EDC4: variants seen among roughly 807,000 people sequenced by gnomAD.
EDC4 encodes the protein enhancer of mRNA decapping 4, also known as enhancer of mRNA-decapping protein 4.
In EDC4, 64 loss-of-function variants were observed where a neutral mutation model predicts 155.8. That is an observed-to-expected ratio of 0.41 (90% CI 0.34 to 0.51). The LOEUF (loss-of-function observed/expected upper bound fraction) is 0.51, where lower values mean the gene tolerates loss of function less well. Among genes scored for constraint, EDC4 ranks in the 20% least tolerant of loss-of-function variants. The pLI, the probability that EDC4 is intolerant of heterozygous loss-of-function variation, is 0.19. For synonymous variants in EDC4, 684 were observed against 716.8 expected, an observed-to-expected ratio of 0.95 and a Z score of 0.73; for missense variants, 1,303 against 1,812.5, an observed-to-expected ratio of 0.72 and a Z score of 5.10.
intron 1 of EDC4, among the ~76,000 whole-genome samples, chr16:67,874,898 A>G (rs565142681): frequency 1.3e-5 from 2 of 152,290 alleles, no homozygotes; most frequent in African/African-American, 4.8e-5. Flanking sequence ...CCTGGCCAAC[A>G]TGGTTTCTTA....
At position 67,879,014 on chromosome 16, in the gene EDC4, T is replaced by C. The variant is rs1179144443; in HGVS notation, c.1345T>C (p.Ser449Pro). The C allele has an allele frequency of 6.2e-7, 1 of 1,612,478 alleles. No homozygotes were observed. Among genetic ancestry groups the C allele is most frequent in the South Asian group, 1.1e-5 (1 of 91,086 alleles). Residue 449 changes from serine (S) to proline (P), a missense_variant, in exon 12 of 29, where the codon TCC (serine) becomes CCC (proline). Around this residue, in one of 5 missense-constraint regions of EDC4, gnomAD observed 235 missense variants for 367.7 expected, o/e 0.64. Coordinates refer to ENST00000358933, the MANE Select transcript of EDC4 (RefSeq NM_014329.5). This position sits in a 1 kb window ranked among gnomAD's most constrained non-coding sequence, Gnocchi z 6.0. ...GGAGGAGGGCCACGCCTGCTTCAGC[T>C]CCATCTCGGAGTTCCTGCTCACCCA... ...NQEEGHACFSSISEFLLTHPV... is the reference protein window; with the variant it reads ...NQEEGHACFSPISEFLLTHPV...
rs751233217 is a variant in EDC4, at chr16:67,879,890, G to A, written c.1862G>A (p.Ser621Asn). 1 of 1,612,692 alleles carries A rather than the reference G, an allele frequency of 6.2e-7. No individual in the cohort carries two copies. ...SPSSSSSGSS[S>N]SSSSSSSSLT... ...AGCAGCAGCAGCAGCGGTAGCAGCA[G>A]CAGCAGCAGCAGTAGCAGCAGCTCC... The change falls in exon 16 of 29, where the codon AGC becomes AAC. Residue 621 changes from serine (S) to asparagine (N), a missense_variant. Transcript: ENST00000358933. This position sits in a 1 kb window ranked among gnomAD's most constrained non-coding sequence, Gnocchi z 6.0.
rs1453229474 is a variant in EDC4, at chr16:67,880,617, C to T, written c.2158C>T (p.Pro720Ser). The change falls in exon 18 of 29, where the codon CCC (proline) becomes TCC (serine). Residue 720 changes from proline to serine, a missense_variant. Pro to Ser is a moderately conservative substitution (Grantham distance 74). Coordinates refer to ENST00000358933, the MANE Select transcript of EDC4 (RefSeq NM_014329.5). This position sits in a 1 kb window ranked among gnomAD's most constrained non-coding sequence, Gnocchi z 5.2. Reference protein sequence around the residue: ...ELQEVEPLGLPQASPSRTRSP... With the variant: ...ELQEVEPLGLSQASPSRTRSP... ...GCAGGAAGTGGAGCCCCTGGGGCTA[C>T]CCCAAGCCTCCCCTAGCCGCACTCG... is the stretch of plus-strand genomic sequence containing the variant. The T allele has an allele frequency of 6.2e-7, 1 of 1,614,030 alleles. No homozygotes were observed. The highest frequency in any genetic ancestry group is 8.5e-7 in the Non-Finnish European group (1 of 1,180,038).
chr16:67,880,262 G>A lies in EDC4; in HGVS notation c.2097+46G>A, dbSNP rs1352128797. On this transcript the variant is annotated intron_variant, in intron 17 of 28. Transcript: ENST00000358933. This position sits in a 1 kb window ranked among gnomAD's most constrained non-coding sequence, Gnocchi z 5.2. ...GTGAAGTGTGGGGAGCAGGTGGGCA[G>A]CAGCAGGGAAGGTGGGTGGTGGGCT... is the stretch of plus-strand genomic sequence containing the variant. 1 of 1,548,878 alleles carries A rather than the reference G, an allele frequency of 6.5e-7. No homozygotes were observed.
At position 67,884,157 on chromosome 16, in the gene EDC4, C is replaced by G. The variant is rs560501232; in HGVS notation, c.*9C>G. ...CCCCCAGCCTCCCTTAGCTGCTAAG[C>G]CTGCCTTGCCCAGGGGTGGGATGGC... On this transcript the variant is annotated 3_prime_UTR_variant, in exon 29 of 29. Transcript: ENST00000358933. This position sits in a 1 kb window ranked among gnomAD's most constrained non-coding sequence, Gnocchi z 4.1. 14 of 1,597,316 alleles carry G rather than the reference C, an allele frequency of 8.8e-6. 1 individual carries two copies. In the South Asian group the frequency reaches 1.6e-4, roughly 18 times the overall value.
chr16:67,882,484 A>C lies in EDC4; in HGVS notation c.3332A>C (p.Gln1111Pro). Residue 1111 changes from glutamine to proline, a missense_variant, in exon 25 of 29, where the codon CAG becomes CCG. Gln to Pro is a moderately conservative substitution (Grantham distance 76, BLOSUM62 -1). Transcript: ENST00000358933. This position sits in a 1 kb window ranked among gnomAD's most constrained non-coding sequence, Gnocchi z 7.2. ...GCAGACACATTACAAGGGCCGATGC[A>C]GGCTGCCTACCGGGAAGCCTTCCAG... ...AAADTLQGPM[Q>P]AAYREAFQSV... is the part of the protein sequence containing the mutation. 1 of 1,614,238 alleles carries C rather than the reference A, an allele frequency of 6.2e-7. No individual in the cohort carries two copies. The highest frequency in any genetic ancestry group is 8.5e-7 in the Non-Finnish European group (1 of 1,180,052).
In EDC4 at chr16:67,879,793, G is replaced by A; in HGVS notation, c.1821+19G>A. ...GCAGCAGGTACTCTCCCAGGGTAGG[G>A]GGACCTGGGAATGCCTCAGCCACAG... On this transcript the variant is annotated intron_variant, in intron 15 of 28. Coordinates refer to ENST00000358933, the MANE Select transcript of EDC4 (RefSeq NM_014329.5). The surrounding 1 kb of genome is among the most constrained non-coding windows in gnomAD (Gnocchi z 6.0). 1.2e-6 allele frequency: 2 copies of A among 1,613,484 alleles called. No individual in the cohort carries two copies. Among genetic ancestry groups the A allele is most frequent in the Admixed American group, 1.7e-5 (1 of 60,008 alleles).
Position 67,873,117 on chromosome 16 carries a change from C to T in EDC4, c.-145C>T. On this transcript the variant is annotated 5_prime_UTR_variant, in exon 1 of 29. Coordinates refer to ENST00000358933, the MANE Select transcript of EDC4 (RefSeq NM_014329.5). Reference sequence around the variant, plus strand: ...GGGTTGGCGGGGCTCAGCGACGCTGCGCGGGTGGCGGTTTGCGAACTGCGG... The same window carrying T: ...GGGTTGGCGGGGCTCAGCGACGCTGTGCGGGTGGCGGTTTGCGAACTGCGG... 2 of 553,672 alleles carry T rather than the reference C, an allele frequency of 3.6e-6. No homozygotes were observed. Among genetic ancestry groups the T allele is most frequent in the Non-Finnish European group, 5.7e-6 (2 of 351,372 alleles). The allele number at this position is 553,672 out of a possible 1,614,324, so 34.3% of individuals were successfully genotyped here.
chr16:67,881,700 A>G lies in EDC4; in HGVS notation c.2859A>G (p.Leu953=). The G allele has an allele frequency of 6.2e-7, 1 of 1,613,996 alleles. No individual in the cohort carries two copies. Among genetic ancestry groups the G allele is most frequent in the Non-Finnish European group, 8.5e-7 (1 of 1,179,944 alleles). ...VAEPPEDWPA[L]IWQQQRELAE... ...AGCCCCCTGAGGACTGGCCAGCACT[A>G]ATTTGGCAACAGCAGAGAGAGCTGG... Residue 953 remains leucine, a synonymous_variant, in exon 22 of 29, where the codon CTA becomes CTG. Coordinates refer to ENST00000358933, the MANE Select transcript of EDC4 (RefSeq NM_014329.5). This position sits in a 1 kb window ranked among gnomAD's most constrained non-coding sequence, Gnocchi z 5.4.
Position 67,876,675 on chromosome 16 carries a change from G to A in EDC4, c.351+76G>A, listed in dbSNP as rs2058042874. The A allele has an allele frequency of 6.3e-7, 1 of 1,582,840 alleles. No individual in the cohort carries two copies. The highest frequency in any genetic ancestry group is 1.3e-5 in the African/African-American group (1 of 74,464). ...CTTTCCAGTCTCCCTCATGCTGCCA[G>A]TTCCTATGGGGACCACCTTGACACT... On this transcript the variant is annotated intron_variant, in intron 3 of 28. Transcript: ENST00000358933. The surrounding 1 kb of genome is among the most constrained non-coding windows in gnomAD (Gnocchi z 5.8).
At position 67,879,092 on chromosome 16, in the gene EDC4, A is replaced by G. The variant is rs1349475766; in HGVS notation, c.1423A>G (p.Thr475Ala). 1.2e-6 allele frequency: 2 copies of G among 1,613,898 alleles called. No individual in the cohort carries two copies. Among genetic ancestry groups the G allele is most frequent in the Non-Finnish European group, 1.7e-6 (2 of 1,179,966 alleles). The stretch of plus-strand genomic sequence containing the variant: ...TGTGAGTCGCTGCCGGCTACGGCAC[A>G]CTGAGGTGCTGCCTGCCGAAGAGGA... ...QVVSRCRLRH[T>A]EVLPAEEEND... The change falls in exon 12 of 29, where the codon ACT becomes GCT. Residue 475 changes from threonine (T) to alanine (A), a missense_variant. Coordinates refer to ENST00000358933, the MANE Select transcript of EDC4 (RefSeq NM_014329.5). The surrounding 1 kb of genome is among the most constrained non-coding windows in gnomAD (Gnocchi z 6.0).
At position 67,873,401 on chromosome 16, in the gene EDC4, C is replaced by T. The variant is rs184460906; in HGVS notation, c.82+58C>T. 2,803 of 1,320,664 alleles carry T rather than the reference C, an allele frequency of 2.1e-3. 5 individuals carry two copies. The highest frequency in any genetic ancestry group is 2.4e-3 in the Non-Finnish European group (2,446 of 1,012,952). 81.8% of individuals were successfully genotyped at this position (1,320,664 alleles called of 1,614,324 possible). A position where few individuals can be genotyped will look rare whatever the true frequency, so the allele number is the denominator to read the frequency against. On this transcript the variant is annotated intron_variant, in intron 1 of 28. Transcript: ENST00000358933. ...GAGCTGACAAAAGGGCGGCGCGCGT[C>T]TGAACCGCCATTGGGGCCCACAGCT...
At position 67,883,001 on chromosome 16, in the gene EDC4, G is replaced by T; in HGVS notation, c.3673G>T (p.Gly1225Cys). 6.2e-7 allele frequency: 1 copy of T among 1,614,140 alleles called. No individual in the cohort carries two copies. Among genetic ancestry groups the T allele is most frequent in the Non-Finnish European group, 8.5e-7 (1 of 1,180,038 alleles). ...ILAQVQRIVK[G>C]EVSVALKEQQ... ...AGCACAGGTACAGCGCATCGTTAAG[G>T]GTGAGGTGAGTGTGGCGCTCAAGGA... is the stretch of plus-strand genomic sequence containing the variant. The change falls in exon 27 of 29, where the codon GGT (glycine) becomes TGT (cysteine). Residue 1225 changes from glycine to cysteine, a missense_variant. By Grantham distance (159) the Gly-to-Cys change is radical (BLOSUM62 -3). Coordinates refer to ENST00000358933, the MANE Select transcript of EDC4 (RefSeq NM_014329.5). This position sits in a 1 kb window ranked among gnomAD's most constrained non-coding sequence, Gnocchi z 5.3.
rs1450787666 is a variant in EDC4, at chr16:67,884,160, G to A, written c.*12G>A. Reference sequence around the variant, plus strand: ...CCAGCCTCCCTTAGCTGCTAAGCCTGCCTTGCCCAGGGGTGGGATGGCACT... The same window carrying A: ...CCAGCCTCCCTTAGCTGCTAAGCCTACCTTGCCCAGGGGTGGGATGGCACT... On this transcript the variant is annotated 3_prime_UTR_variant, in exon 29 of 29. Coordinates refer to ENST00000358933, the MANE Select transcript of EDC4 (RefSeq NM_014329.5). The surrounding 1 kb of genome is among the most constrained non-coding windows in gnomAD (Gnocchi z 4.1). 1.3e-6 allele frequency: 2 copies of A among 1,596,118 alleles called. No individual in the cohort carries two copies. The highest frequency in any genetic ancestry group is 1.1e-5 in the South Asian group (1 of 88,904).
Position 67,881,384 on chromosome 16 carries a change from C to T in EDC4, c.2756C>T (p.Pro919Leu). 13 of 1,614,160 alleles carry T rather than the reference C, an allele frequency of 8.1e-6. No homozygotes were observed. Among genetic ancestry groups the T allele is most frequent in the Non-Finnish European group, 1.1e-5 (13 of 1,180,020 alleles). The change falls in exon 20 of 29, where the codon CCC (proline) becomes CTC (leucine). Residue 919 changes from proline (P) to leucine (L), a missense_variant. Physicochemically the swap from Pro to Leu is moderately conservative, Grantham distance 98. Around this residue, in one of 5 missense-constraint regions of EDC4, gnomAD observed 527 missense variants for 757.0 expected, o/e 0.70. Coordinates refer to ENST00000358933, the MANE Select transcript of EDC4 (RefSeq NM_014329.5). The surrounding 1 kb of genome is among the most constrained non-coding windows in gnomAD (Gnocchi z 5.4). ...ACCAAGGGATCCCCTCGAACCTCAC[C>T]CAAGCTCAAGAGGAAAAGCAAGAAG... The part of the protein sequence containing the change: ...WKTKGSPRTS[P>L]KLKRKSKKDD...
chr16:67,880,311 C>G lies in EDC4; in HGVS notation c.2097+95C>G, dbSNP rs1345946439. 7 of 1,484,182 alleles carry G rather than the reference C, an allele frequency of 4.7e-6. No homozygotes were observed. The highest frequency in any genetic ancestry group is 6.3e-6 in the Non-Finnish European group (7 of 1,115,678). 91.9% of individuals were successfully genotyped at this position (1,484,182 alleles called of 1,614,324 possible). ...CTCCTCCCAGCCCCCTGCTGCTGAT[C>G]CTGCTCTACCCGACATGGTCCGTGT... On this transcript the variant is annotated intron_variant, in intron 17 of 28. Coordinates refer to ENST00000358933, the MANE Select transcript of EDC4 (RefSeq NM_014329.5). This position sits in a 1 kb window ranked among gnomAD's most constrained non-coding sequence, Gnocchi z 5.2.
chr16:67,884,341 A>G lies in EDC4; in HGVS notation c.*193A>G. ...CAGAAGGTTTAGCTGGGCCCAGGGC[A>G]GGTATTGCGCCTGCTTGGGTTCTGC... On this transcript the variant is annotated 3_prime_UTR_variant, in exon 29 of 29. Transcript: ENST00000358933. This position sits in a 1 kb window ranked among gnomAD's most constrained non-coding sequence, Gnocchi z 4.1. 1.7e-6 allele frequency: 1 copy of G among 587,962 alleles called. No individual in the cohort carries two copies. The allele number at this position is 587,962 out of a possible 1,614,324, so 36.4% of individuals were successfully genotyped here.
At chr16:67,873,432 AGG>A in intron 1 of EDC4, 89 bp downstream of exon 1, 1 of 1,068,312 alleles carries the variant, frequency 9.4e-7, no homozygotes, top group Non-Finnish European at 1.3e-6. Flanking sequence ...CAGCTCCCTT[AGG>A]ACTAGCTCTG....
Position 67,880,669 on chromosome 16 carries a change from C to T in EDC4, c.2210C>T (p.Ser737Phe), listed in dbSNP as rs1333255499. Residue 737 changes from serine (S) to phenylalanine (F), a missense_variant, in exon 18 of 29, where the codon TCC (serine) becomes TTC (phenylalanine). Ser to Phe is a radical substitution (Grantham distance 155, BLOSUM62 -2). Around this residue, in one of 5 missense-constraint regions of EDC4, gnomAD observed 391 missense variants for 445.4 expected, o/e 0.88. Transcript: ENST00000358933. The surrounding 1 kb of genome is among the most constrained non-coding windows in gnomAD (Gnocchi z 5.2). Reference protein sequence around the residue: ...TRSPDVISSASTALSQDIPEI... With the variant: ...TRSPDVISSAFTALSQDIPEI... The stretch of plus-strand genomic sequence containing the variant: ...TCCCCTGATGTCATCTCCTCAGCTT[C>T]CACTGCCCTGTCCCAGGACATCCCT... 3 of 1,614,104 alleles carry T rather than the reference C, an allele frequency of 1.9e-6. No individual in the cohort carries two copies. In the African/African-American group the frequency reaches 4.0e-5, roughly 22 times the overall value.
Sources: gnomAD v4.1 joint callset for allele counts (sites outside exome capture counted in the v4.1 genomes callset) on GRCh38, gnomAD v4.1.1 for gene constraint, gnomAD v4.1.1 regional missense constraint, Gnocchi (gnomAD v3.1) non-coding constraint, MANE v1.5 for transcripts, NCBI Gene and HGNC (gene_info 2026-07-23, HGNC 2026-07-21) for gene names.